The following FBXO31 variants were observed in gnomAD, a reference collection of about 807,000 sequenced individuals.
FBXO31 encodes F-box only protein 31.
FBXO31 carries 24 observed loss-of-function variants against 54.4 expected under a neutral mutation model. The ratio of observed to expected loss-of-function variants is 0.44; its 90% CI spans 0.32 to 0.62. The LOEUF is 0.62. Among genes scored for constraint, FBXO31 ranks in the 20% least tolerant of loss-of-function variants. The probability of loss-of-function intolerance (pLI) is 0.05; values close to 1 mark genes in which losing one functional copy is unlikely to be tolerated. For missense variants in FBXO31, 665 were observed against 787.1 expected (o/e 0.84, Z 1.86); for synonymous variants, 388 against 335.6 (o/e 1.16, Z -1.71).
At chr16:87,386,435 T>G (rs887112526), upstream of FBXO31, among the ~76,000 whole-genome samples, 1 of 152,182 alleles carries the variant, frequency 6.6e-6, no homozygotes, top group Middle Eastern at 3.2e-3. Context: ...TTTATATTTA[T>G]GTATTTATTT....
In FBXO31 at chr16:87,333,888, C is replaced by T; in HGVS notation, c.1395G>A (p.Met465Ile). The stretch of plus-strand genomic sequence containing the variant: ...CCCAGTACCCGCCGCATCCTTACCA[C>T]ATCCTGCAGGTTCGGGGGTAGTCCT... ...RNEDYPRTCR[M>I]CFYGTGLIAG... is the part of the protein sequence containing the mutation. Residue 465 changes from methionine (M) to isoleucine (I), a missense_variant and splice_region_variant, in exon 8 of 9, where the codon ATG (methionine) becomes ATA (isoleucine). By Grantham distance (10) the Met-to-Ile change is conservative. Coordinates refer to ENST00000311635, the MANE Select transcript of FBXO31 (RefSeq NM_024735.5). 2 of 1,598,590 alleles carry T rather than the reference C, an allele frequency of 1.3e-6. No homozygotes were observed. The highest frequency in any genetic ancestry group is 1.3e-5 in the African/African-American group (1 of 74,796).
At chr16:87,388,527 G>A (rs975853234), upstream of FBXO31, among the ~76,000 whole-genome samples, 8 of 152,226 alleles carry the variant, frequency 5.3e-5, no homozygotes, top group South Asian at 4.1e-4. Flanking sequence ...GGGAGAGGCC[G>A]AGGAGGCCTG....
intron 1 of FBXO31, among the ~76,000 whole-genome samples, chr16:87,364,561 A>G (rs2150688603): frequency 6.6e-6 from 1 of 152,288 alleles, no homozygotes; most frequent in East Asian, 1.9e-4. Flanking sequence ...AGGTTGAACC[A>G]GAGGCCTGGG....
intron 2 of FBXO31, among the ~76,000 whole-genome samples, chr16:87,359,258 C>T (rs947635300): frequency 2.0e-5 from 3 of 152,214 alleles, no homozygotes; most frequent in Non-Finnish European, 2.9e-5. Context: ...GTCCTCCTAT[C>T]CCCTCTTCTG....
chr16:87,334,327 C>G, intron 7 of FBXO31, 41 bp from the exon 8 acceptor site: 1 of 1,521,998 alleles, frequency 6.6e-7, no homozygotes. Context: ...AGGCCAGCAG[C>G]AGCAGCAGTA....
chr16:87,370,687 C>T (rs1021148600), intron 1 of FBXO31, among the ~76,000 whole-genome samples: 8 of 152,198 alleles, frequency 5.3e-5, no homozygotes, highest in African/African-American at 1.9e-4. Context: ...CCCTGGGACA[C>T]TGCTGGGTCT....
chr16:87,383,284 G>A lies in FBXO31; in HGVS notation c.340+121C>T. 3 of 942,052 alleles carry A rather than the reference G, an allele frequency of 3.2e-6. No individual in the cohort carries two copies. The highest frequency in any genetic ancestry group is 1.8e-5 in the South Asian group (1 of 54,666). 58.4% of individuals were successfully genotyped at this position (942,052 alleles called of 1,614,324 possible). On this transcript the variant is annotated intron_variant, in intron 1 of 8. Transcript: ENST00000311635. The surrounding 1 kb of genome is among the most constrained non-coding windows in gnomAD (Gnocchi z 4.9). The stretch of plus-strand genomic sequence containing the variant: ...CCACACCCAAAACACCACATCGCCG[G>A]GCCCCGCGCCCAACTGGTGGCCCCC...
intron 2 of FBXO31, 139 bp from the exon 3 acceptor site, chr16:87,347,389 C>A (rs1473926405): frequency 2.7e-6 from 2 of 735,052 alleles, no homozygotes; most frequent in Non-Finnish European, 4.9e-6. Flanking sequence ...GCACACCAAG[C>A]CTCTAAAGAT....
intron 1 of FBXO31, among the ~76,000 whole-genome samples, chr16:87,380,865 A>C (rs1946771669): frequency 6.6e-6 from 1 of 152,200 alleles, no homozygotes; most frequent in African/African-American, 2.4e-5. Context: ...TAGTAATTCT[A>C]AGAATTTATT....
chr16:87,390,447 C>G (rs910961657), upstream of FBXO31, among the ~76,000 whole-genome samples: 2 of 146,434 alleles, frequency 1.4e-5, no homozygotes, highest in Admixed American at 6.8e-5. Flanking sequence ...TATTTTCTTT[C>G]TTTTTTTTTT....
In FBXO31 at chr16:87,358,147, A is replaced by G. The variant is rs1318919739; in HGVS notation, c.412+2148T>C. On this transcript the variant is annotated intron_variant, in intron 2 of 8. Coordinates refer to ENST00000311635, the MANE Select transcript of FBXO31 (RefSeq NM_024735.5). This position sits in a 1 kb window ranked among gnomAD's most constrained non-coding sequence, Gnocchi z 4.0. ...AACGATACATGTGAAAATGTGCATT[A>G]AAGTGATCTCGACTGGTAGTACCCA... Among the ~76,000 whole-genome samples, 4 of 152,236 alleles carry G rather than the reference A, an allele frequency of 2.6e-5. No homozygotes were observed. The highest frequency in any genetic ancestry group is 5.9e-5 in the Non-Finnish European group (4 of 68,048).
Position 87,335,327 on chromosome 16 carries a change from G to A in FBXO31, c.973C>T (p.Arg325Cys), listed in dbSNP as rs202184616. The change falls in exon 7 of 9, where the codon CGT (arginine) becomes TGT (cysteine). Residue 325 changes from arginine to cysteine, a missense_variant. Arg to Cys is a radical substitution (Grantham distance 180). This residue lies in a region of FBXO31 where 234 missense variants were observed against 346.8 expected (regional missense o/e 0.67). Transcript: ENST00000311635. The surrounding 1 kb of genome is among the most constrained non-coding windows in gnomAD (Gnocchi z 5.7). ...EIVMLSFHGR[R>C]ARGTKITGDP... ...ACCGTGATCTTGGTGCCCCTGGCAC[G>A]CCGGCCGTGGAAGCTGAGCATCACA... The A allele has an allele frequency of 9.3e-6, 15 of 1,613,826 alleles. No homozygotes were observed. The highest frequency in any genetic ancestry group is 3.3e-5 in the Admixed American group (2 of 60,030).
chr16:87,333,018 G>T (rs556082325), intron 8 of FBXO31, among the ~76,000 whole-genome samples: 3 of 152,214 alleles, frequency 2.0e-5, no homozygotes, highest in African/African-American at 4.8e-5. Flanking sequence ...TTGAAACATG[G>T]CCTGGGCGGC....
intron 3 of FBXO31, 50 bp downstream of exon 3, chr16:87,347,124 G>A (rs752911514): frequency 2.0e-6 from 3 of 1,520,120 alleles, no homozygotes; most frequent in African/African-American, 2.7e-5. Flanking sequence ...TCCACGTAAG[G>A]CACCACTCCT....
In FBXO31 at chr16:87,336,631, G is replaced by C. The variant is rs187918097; in HGVS notation, c.733-367C>G. Among the ~76,000 whole-genome samples the C allele has an allele frequency of 6.6e-6, 1 of 152,198 alleles. No individual in the cohort carries two copies. The highest frequency in any genetic ancestry group is 2.4e-5 in the African/African-American group (1 of 41,542). The stretch of plus-strand genomic sequence containing the variant: ...AGGAACAGCATCTACACAGACTCTG[G>C]CCCTGCACAGCACAGCCCCTCAGCC... On this transcript the variant is annotated intron_variant, in intron 5 of 8. Transcript: ENST00000311635. The surrounding 1 kb of genome is among the most constrained non-coding windows in gnomAD (Gnocchi z 6.5).
chr16:87,360,565 A>G (rs1363892832), intron 1 of FBXO31, among the ~76,000 whole-genome samples, 199 bp from the exon 2 acceptor site: 1 of 152,208 alleles, frequency 6.6e-6, no homozygotes, highest in Non-Finnish European at 1.5e-5. Flanking sequence ...ACATTATTCT[A>G]TTTTAGTCAA....
At chr16:87,362,483 T>C in intron 1 of FBXO31, 1 of 152,168 alleles carries the variant, frequency 6.6e-6, no homozygotes, top group Admixed American at 6.6e-5. Flanking sequence ...CATTCATTTA[T>C]TTAGAGATGG....
rs758244030 is a variant in FBXO31, at chr16:87,335,468, C to A, written c.843-11G>T. ...TAGGTCAGGCAGTTGCTGTGGGGAG[C>A]GGACGGGTCAGTACAGGAGACCTCG... On this transcript the variant is annotated splice_polypyrimidine_tract_variant and intron_variant, in intron 6 of 8. Transcript: ENST00000311635. This position sits in a 1 kb window ranked among gnomAD's most constrained non-coding sequence, Gnocchi z 5.7. 1 of 1,561,664 alleles carries A rather than the reference C, an allele frequency of 6.4e-7. No homozygotes were observed. Among genetic ancestry groups the A allele is most frequent in the South Asian group, 1.1e-5 (1 of 90,184 alleles).
intron 2 of FBXO31, among the ~76,000 whole-genome samples, chr16:87,349,454 C>T (rs566257849): frequency 1.1e-4 from 17 of 152,292 alleles, no homozygotes; most frequent in South Asian, 6.2e-4. Flanking sequence ...TGGTGGCTCA[C>T]GCCTGTAATC....
Sources: gnomAD v4.1 joint callset for allele counts (sites outside exome capture counted in the v4.1 genomes callset) on GRCh38, gnomAD v4.1.1 for gene constraint, gnomAD v4.1.1 regional missense constraint, Gnocchi (gnomAD v3.1) non-coding constraint, MANE v1.5 for transcripts, NCBI Gene and HGNC (gene_info 2026-07-23, HGNC 2026-07-21) for gene names.